The following STXBP5L variants were observed in gnomAD, a reference collection of about 807,000 sequenced individuals.
STXBP5L encodes syntaxin-binding protein 5-like.
In STXBP5L, 65 loss-of-function variants were observed where a neutral mutation model predicts 144.5. The observed-to-expected ratio is 0.45, with a 90% CI of 0.37 to 0.55. The LOEUF is 0.55. Among genes scored for constraint, STXBP5L ranks in the 20% least tolerant of loss-of-function variants. The probability of loss-of-function intolerance (pLI) is 0.00; values close to 1 mark genes in which losing one functional copy is unlikely to be tolerated. For missense variants in STXBP5L, 1,298 were observed against 1,405.5 expected (o/e 0.92, Z 1.22); for synonymous variants, 505 against 469.6 (o/e 1.08, Z -0.97).
At chr3:120,917,699 G>A (rs1252734192) in intron 2 of STXBP5L, among the ~76,000 whole-genome samples, 1 of 152,064 alleles carries the variant, frequency 6.6e-6, no homozygotes, top group African/African-American at 2.4e-5. Flanking sequence ...CAAGACCCCT[G>A]TCTCTAAGAT....
chr3:121,201,925 C>G (rs2108215825), intron 9 of STXBP5L, among the ~76,000 whole-genome samples: 1 of 152,112 alleles, frequency 6.6e-6, no homozygotes, highest in South Asian at 2.1e-4. Context: ...CTGGCTAATT[C>G]TTGTATTTTT....
rs1577356569 is a variant in STXBP5L, at chr3:121,279,889, A to G, written c.2043A>G (p.Leu681=). 6.2e-7 allele frequency: 1 copy of G among 1,612,622 alleles called. No individual in the cohort carries two copies. Among genetic ancestry groups the G allele is most frequent in the African/African-American group, 1.3e-5 (1 of 74,950 alleles). ...TVLLSMGTID[L]YRSSDLYQRQ... ...TGTTAAGCATGGGGACCATTGACCT[A>G]TATAGATCAAGTGACTTATACCAGC... Residue 681 remains leucine, a synonymous_variant, in exon 19 of 27, where the codon CTA becomes CTG. Coordinates refer to ENST00000471454, the MANE Select transcript of STXBP5L (RefSeq NM_001308330.2).
chr3:121,034,371 A>C (rs1946604352), intron 3 of STXBP5L, among the ~76,000 whole-genome samples: 1 of 152,128 alleles, frequency 6.6e-6, no homozygotes, highest in Non-Finnish European at 1.5e-5. Context: ...CCCATCTATA[A>C]GTGAGACTGT....
chr3:121,351,500 G>C (rs2045281191), intron 20 of STXBP5L, among the ~76,000 whole-genome samples: 1 of 152,148 alleles, frequency 6.6e-6, no homozygotes, highest in Non-Finnish European at 1.5e-5. Context: ...TTTGAGAAGT[G>C]TCTGTTCATA....
chr3:121,349,377 A>G (rs2045167242), intron 20 of STXBP5L, among the ~76,000 whole-genome samples: 1 of 151,644 alleles, frequency 6.6e-6, no homozygotes, highest in Non-Finnish European at 1.5e-5. Flanking sequence ...TTTACTTCCA[A>G]CTATGTGGTC....
chr3:121,296,316 T>C (rs561765113), intron 19 of STXBP5L, among the ~76,000 whole-genome samples: 1 of 152,326 alleles, frequency 6.6e-6, no homozygotes, highest in East Asian at 1.9e-4. Flanking sequence ...CTAATGTCAG[T>C]AATGGATTAA....
At chr3:121,393,695 T>C (rs377577633) in intron 22 of STXBP5L, among the ~76,000 whole-genome samples, 3 of 152,344 alleles carry the variant, frequency 2.0e-5, no homozygotes, top group South Asian at 4.1e-4. Flanking sequence ...AGATGTTCTT[T>C]TCTCAGTGGA....
rs1347897813 is a variant in STXBP5L, at chr3:121,158,079, C to A, written c.877+452C>A. The A allele has an allele frequency of 2.0e-5, 3 of 152,692 alleles. No homozygotes were observed. In the East Asian group the frequency reaches 5.8e-4, roughly 29 times the overall value. 9.5% of individuals were successfully genotyped at this position (152,692 alleles called of 1,614,324 possible). ...ATTTGATTCCAGTAAGTTATGAAGA[C>A]TGTGGTTTTAATTTTAGGTTTTACT... On this transcript the variant is annotated intron_variant, in intron 9 of 26. Coordinates refer to ENST00000471454, the MANE Select transcript of STXBP5L (RefSeq NM_001308330.2).
At chr3:121,365,589 T>C (rs2045842136) in intron 20 of STXBP5L, among the ~76,000 whole-genome samples, 1 of 151,836 alleles carries the variant, frequency 6.6e-6, no homozygotes, top group Non-Finnish European at 1.5e-5. Context: ...CTTAAAATTC[T>C]TTTTATTTCC....
At chr3:120,983,316 G>A (rs1022387564) in intron 3 of STXBP5L, among the ~76,000 whole-genome samples, 4 of 152,128 alleles carry the variant, frequency 2.6e-5, no homozygotes, top group Admixed American at 6.5e-5. Flanking sequence ...CGGGGCAGGC[G>A]TCTCTCAGTG....
rs1226397190 is a variant in STXBP5L at position 120,973,509 on chromosome 3, ATTTTCAGAATACTAAC to A, written c.287+18479_287+18494del. Among the ~76,000 whole-genome samples the A allele has an allele frequency of 2.0e-5, 3 of 151,884 alleles. No individual in the cohort carries two copies. The East Asian group carries it at 5.8e-4, about 29-fold the overall frequency. On this transcript the variant is annotated intron_variant, in intron 3 of 26. Transcript: ENST00000471454. ...CTAGCAGTCTATCATTTTCTAAAAT[ATTTTCAGAATACTAAC>A]TTTTCATTTCTTTGATTCTTTATAT...
Position 121,378,696 on chromosome 3 carries a change from C to T in STXBP5L, c.2177-20C>T. 6.2e-7 allele frequency: 1 copy of T among 1,610,032 alleles called. No individual in the cohort carries two copies. The highest frequency in any genetic ancestry group is 8.5e-7 in the Non-Finnish European group (1 of 1,177,846). On this transcript the variant is annotated intron_variant, in intron 20 of 26. Coordinates refer to ENST00000471454, the MANE Select transcript of STXBP5L (RefSeq NM_001308330.2). ...AGAGTTAATCATTATATGTATGCTGCCTTCCTCCTCTTGGCACAGACCATG... is the reference window on the plus strand; with the variant it reads ...AGAGTTAATCATTATATGTATGCTGTCTTCCTCCTCTTGGCACAGACCATG...
chr3:121,004,540 A>G (rs548299366), intron 3 of STXBP5L, among the ~76,000 whole-genome samples: 106 of 151,744 alleles, frequency 7.0e-4, no homozygotes, highest in African/African-American at 2.5e-3. Context: ...AATACCCTTT[A>G]TTTCCTTCTC....
chr3:121,350,680 A>G (rs764349759), intron 20 of STXBP5L, among the ~76,000 whole-genome samples: 4 of 151,814 alleles, frequency 2.6e-5, no homozygotes, highest in Non-Finnish European at 5.9e-5. Flanking sequence ...TTTTTCGTTA[A>G]ACTTCTCTTC....
chr3:120,968,795 T>G (rs1396714879), intron 3 of STXBP5L, among the ~76,000 whole-genome samples: 1 of 152,120 alleles, frequency 6.6e-6, no homozygotes, highest in Non-Finnish European at 1.5e-5. Flanking sequence ...TTAAAACATA[T>G]GATATTTGAT....
chr3:121,195,457 G>A (rs761086427), intron 9 of STXBP5L, among the ~76,000 whole-genome samples: 2 of 151,772 alleles, frequency 1.3e-5, no homozygotes, highest in African/African-American at 2.4e-5. Context: ...CTTCACCCTC[G>A]CAACCACCAT....
chr3:121,130,816 G>A (rs1405310528), intron 7 of STXBP5L, among the ~76,000 whole-genome samples: 1 of 151,746 alleles, frequency 6.6e-6, no homozygotes. Flanking sequence ...AGATCAAGTA[G>A]AAAATACAAA....
intron 10 of STXBP5L, among the ~76,000 whole-genome samples, chr3:121,218,740 A>G (rs1052467027): frequency 5.9e-5 from 9 of 152,166 alleles, no homozygotes; most frequent in African/African-American, 2.2e-4. Context: ...TTTAGAAATC[A>G]AAAACTCAAG....
intron 3 of STXBP5L, among the ~76,000 whole-genome samples, chr3:120,956,638 G>T (rs941040534): frequency 1.3e-5 from 2 of 151,826 alleles, no homozygotes; most frequent in African/African-American, 4.8e-5. Context: ...ATGAACATGG[G>T]TGTACAAATA....
Sources: allele counts gnomAD v4.1 joint callset (sites outside exome capture counted in the v4.1 genomes callset), GRCh38; gene constraint gnomAD v4.1.1; transcripts MANE v1.5; gene names NCBI Gene and HGNC (gene_info 2026-07-23, HGNC 2026-07-21).